CACNA2D3: variants seen among roughly 807,000 people sequenced by gnomAD.
CACNA2D3 encodes the protein voltage-dependent calcium channel subunit alpha-2/delta-3.
A neutral mutation model predicts 160.6 loss-of-function variants in CACNA2D3; 60 were observed. The ratio of observed to expected loss-of-function variants is 0.37; its 90% CI spans 0.30 to 0.46. The LOEUF is 0.46. Ranked by LOEUF, CACNA2D3 falls within the 20% of genes least tolerant of loss-of-function variation. CACNA2D3 has a pLI of 1.00. For synonymous variants in CACNA2D3, 558 were observed against 492.9 expected, an observed-to-expected ratio of 1.13 and a Z score of -1.75; for missense variants, 1,205 against 1,365.0, an observed-to-expected ratio of 0.88 and a Z score of 1.85.
rs114870159 is a variant in CACNA2D3 at position 54,678,161 on chromosome 3, G to A, written c.1167+35920G>A. On this transcript the variant is annotated intron_variant, in intron 11 of 37. Transcript: ENST00000474759. ...AAGGGAGGGAATATCTAGGCAGTAG[G>A]TTTGCCCTCTATTTTAGACAGACCT... 6.6e-3 allele frequency among the ~76,000 whole-genome samples: 1,001 copies of A among 152,274 alleles called. 4 individuals are homozygous for A. Among genetic ancestry groups the A allele is most frequent in the Non-Finnish European group, 9.5e-3 (648 of 68,028 alleles).
intron 12 of CACNA2D3, among the ~76,000 whole-genome samples, chr3:54,754,794 G>T (rs1369625874): frequency 2.0e-5 from 3 of 152,270 alleles, no homozygotes; most frequent in African/African-American, 7.2e-5. Flanking sequence ...TGAAGGGTTT[G>T]TGGGTCTTAG....
chr3:54,391,499 T>G lies in CACNA2D3; in HGVS notation c.381+4725T>G, dbSNP rs1266520355. On this transcript the variant is annotated intron_variant, in intron 4 of 37. Transcript: ENST00000474759. Reference sequence around the variant, plus strand: ...CCTTCATTGGCGGGGTGGCTTTCTTTCTTTCTTTCTTTCTTTCTTTTTTTT... The same window carrying G: ...CCTTCATTGGCGGGGTGGCTTTCTTGCTTTCTTTCTTTCTTTCTTTTTTTT... Among the ~76,000 whole-genome samples, 8 of 150,740 alleles carry G rather than the reference T, an allele frequency of 5.3e-5. No homozygotes were observed. In the East Asian group the frequency reaches 7.8e-4, roughly 15 times the overall value.
chr3:54,580,639 A>G (rs1702660014), intron 8 of CACNA2D3, among the ~76,000 whole-genome samples: 1 of 152,208 alleles, frequency 6.6e-6, no homozygotes, highest in South Asian at 2.1e-4. Context: ...CTGTGGGTCC[A>G]GCCCTGTGCT....
chr3:55,035,829 T>C (rs1703804480), intron 35 of CACNA2D3, among the ~76,000 whole-genome samples: 1 of 152,174 alleles, frequency 6.6e-6, no homozygotes, highest in South Asian at 2.1e-4. Flanking sequence ...TAAAAATGCT[T>C]TCCGGCTATG....
At chr3:54,133,219 A>G (rs1477983024) in intron 2 of CACNA2D3, among the ~76,000 whole-genome samples, 4 of 152,108 alleles carry the variant, frequency 2.6e-5, no homozygotes, top group Non-Finnish European at 5.9e-5. Flanking sequence ...TGCTTTATTT[A>G]TGATATATCA....
In CACNA2D3 at chr3:54,131,512, C is replaced by T. The variant is rs920499364; in HGVS notation, c.204+7918C>T. ...GCCAGCTGCAGATAACCTCTAATCCCGATGCCCCCTTGGGCAGCATTTCAG... is the reference window on the plus strand; with the variant it reads ...GCCAGCTGCAGATAACCTCTAATCCTGATGCCCCCTTGGGCAGCATTTCAG... On this transcript the variant is annotated intron_variant, in intron 2 of 37. Transcript: ENST00000474759. 2.6e-5 allele frequency among the ~76,000 whole-genome samples: 4 copies of T among 152,220 alleles called. No homozygotes were observed. The East Asian group carries it at 5.8e-4, about 22-fold the overall frequency.
At chr3:54,252,036 C>G (rs1702198101) in intron 2 of CACNA2D3, among the ~76,000 whole-genome samples, 1 of 149,638 alleles carries the variant, frequency 6.7e-6, no homozygotes, top group African/African-American at 2.5e-5. Context: ...TAATTGAGCT[C>G]CCAAGATACA....
chr3:54,816,798 C>T, intron 13 of CACNA2D3, 55 bp from the exon 14 acceptor site: 1 of 1,597,164 alleles, frequency 6.3e-7, no homozygotes, highest in Non-Finnish European at 8.5e-7. Context: ...CCATTAATTA[C>T]TTATATAATG....
At chr3:54,452,311 A>G (rs1438604500) in intron 4 of CACNA2D3, among the ~76,000 whole-genome samples, 1 of 152,044 alleles carries the variant, frequency 6.6e-6, no homozygotes, top group African/African-American at 2.4e-5. Context: ...AGACTTACTC[A>G]CTGCCATGGG....
chr3:54,216,203 C>T (rs961171305), intron 2 of CACNA2D3, among the ~76,000 whole-genome samples: 1 of 152,094 alleles, frequency 6.6e-6, no homozygotes, highest in South Asian at 2.1e-4. Context: ...GCCTGACACC[C>T]ACTCTTTGCA....
rs117492554 is a variant in CACNA2D3 at position 54,436,608 on chromosome 3, A to G, written c.381+49834A>G. ...GAATACTATGCAGCCATAAAAAAGA[A>G]TAGAGTCCATGTCCTTTGCAGGGAC... On this transcript the variant is annotated intron_variant, in intron 4 of 37. Transcript: ENST00000474759. Among the ~76,000 whole-genome samples, 511 of 152,358 alleles carry G rather than the reference A, an allele frequency of 3.4e-3. 20 individuals carry two copies. In the East Asian group the frequency reaches 0.073, roughly 22 times the overall value.
chr3:54,809,057 A>G (rs1703212177), intron 13 of CACNA2D3, among the ~76,000 whole-genome samples: 2 of 152,120 alleles, frequency 1.3e-5, no homozygotes, highest in African/African-American at 4.8e-5. Flanking sequence ...TGTTTTACGG[A>G]TGAGACCTCT....
At chr3:54,147,959 A>G (rs1700068163) in intron 2 of CACNA2D3, among the ~76,000 whole-genome samples, 1 of 152,186 alleles carries the variant, frequency 6.6e-6, no homozygotes, top group South Asian at 2.1e-4. Flanking sequence ...GGCGTGTGCC[A>G]CCATGCCCAG....
At chr3:54,652,322 A>G (rs1699784711) in intron 11 of CACNA2D3, among the ~76,000 whole-genome samples, 1 of 152,216 alleles carries the variant, frequency 6.6e-6, no homozygotes, top group South Asian at 2.1e-4. Context: ...CTCGCAGTCC[A>G]TTGTAATGGA....
chr3:54,990,374 T>TA, intron 31 of CACNA2D3, among the ~76,000 whole-genome samples: 1 of 152,198 alleles, frequency 6.6e-6, no homozygotes, highest in East Asian at 1.9e-4. Flanking sequence ...CTACTAAAGA[T>TA]ACAAAAATTA....
At chr3:54,734,327 A>G (rs900054608) in intron 11 of CACNA2D3, among the ~76,000 whole-genome samples, 6 of 152,168 alleles carry the variant, frequency 3.9e-5, no homozygotes, top group African/African-American at 1.2e-4. Context: ...TCAGAAAGAA[A>G]TTCACCCCAT....
At chr3:54,994,594 T>A (rs1486895522) in intron 31 of CACNA2D3, among the ~76,000 whole-genome samples, 1 of 152,194 alleles carries the variant, frequency 6.6e-6, no homozygotes, top group African/African-American at 2.4e-5. Context: ...GTAACTGCCC[T>A]CATCTTCATC....
chr3:54,478,356 G>A (rs6783346), intron 4 of CACNA2D3, among the ~76,000 whole-genome samples: 70,702 of 151,698 alleles, frequency 0.47, 17,334 homozygotes, highest in Non-Finnish European at 0.54. Flanking sequence ...ACTGCAGCCA[G>A]GCGCAGTGGC....
chr3:54,644,708 G>A (rs1346951966), intron 11 of CACNA2D3, among the ~76,000 whole-genome samples: 2 of 152,218 alleles, frequency 1.3e-5, no homozygotes, highest in Non-Finnish European at 2.9e-5. Flanking sequence ...TGAGCTTCGG[G>A]ATCACCCGAG....
Sources: gnomAD v4.1 joint callset for allele counts (sites outside exome capture counted in the v4.1 genomes callset) on GRCh38, gnomAD v4.1.1 for gene constraint, MANE v1.5 for transcripts, NCBI Gene and HGNC (gene_info 2026-07-23, HGNC 2026-07-21) for gene names.